The following WWOX variants were observed in gnomAD, a reference collection of about 807,000 sequenced individuals.
WWOX encodes the protein WW domain-containing oxidoreductase.
WWOX carries 69 observed loss-of-function variants against 46.2 expected under a neutral mutation model. The ratio of observed to expected loss-of-function variants is 1.49; its 90% CI spans 1.23 to 1.82. The LOEUF (loss-of-function observed/expected upper bound fraction) is 1.82, where lower values mean the gene tolerates loss of function less well. WWOX is among the 40% of genes most tolerant of loss of function. The pLI is 0.00. For synonymous variants in WWOX, 359 were observed against 202.6 expected, an observed-to-expected ratio of 1.77 and a Z score of -6.56; for missense variants, 919 against 542.6, an observed-to-expected ratio of 1.69 and a Z score of -6.89.
chr16:78,156,310 G>A (rs962228493), intron 4 of WWOX, among the ~76,000 whole-genome samples: 1 of 152,136 alleles, frequency 6.6e-6, no homozygotes, highest in Non-Finnish European at 1.5e-5. Flanking sequence ...GTTTGTTTGG[G>A]AAAATAAAAT....
intron 5 of WWOX, among the ~76,000 whole-genome samples, chr16:78,175,881 C>A (rs558145949): frequency 4.1e-4 from 62 of 152,262 alleles, no homozygotes; most frequent in African/African-American, 8.7e-4. Flanking sequence ...ACAGTGAGTT[C>A]TAAGGATAAG....
chr16:78,810,576 A>G (rs1282166784), intron 8 of WWOX, among the ~76,000 whole-genome samples: 3 of 152,204 alleles, frequency 2.0e-5, no homozygotes, highest in Middle Eastern at 3.2e-3. Context: ...CCCTGCTACC[A>G]TGATTGCCTT....
At chr16:78,649,784 C>G (rs755448228) in intron 8 of WWOX, among the ~76,000 whole-genome samples, 50 of 152,164 alleles carry the variant, frequency 3.3e-4, no homozygotes, top group Non-Finnish European at 6.6e-4. Flanking sequence ...CTTAGGAAAA[C>G]CTTACACTTA....
chr16:78,338,760 T>C (rs578190514), intron 5 of WWOX, among the ~76,000 whole-genome samples: 1 of 121,912 alleles, frequency 8.2e-6, no homozygotes, highest in South Asian at 2.5e-4. Context: ...TTCTTCTCTT[T>C]TTCTGTTTTC....
intron 5 of WWOX, among the ~76,000 whole-genome samples, chr16:78,310,007 G>A (rs756735979): frequency 8.6e-5 from 13 of 151,982 alleles, no homozygotes; most frequent in African/African-American, 1.7e-4. Context: ...AGTTACTGTC[G>A]CTCCTGTGAT....
At chr16:79,005,665 T>G (rs2047176276) in intron 8 of WWOX, among the ~76,000 whole-genome samples, 1 of 152,130 alleles carries the variant, frequency 6.6e-6, no homozygotes, top group Non-Finnish European at 1.5e-5. Context: ...ATGTCTTCAA[T>G]GTTCTTCTTA....
At chr16:78,182,635 C>A (rs2035565787) in intron 5 of WWOX, among the ~76,000 whole-genome samples, 1 of 151,942 alleles carries the variant, frequency 6.6e-6, no homozygotes, top group African/African-American at 2.4e-5. Context: ...CACTGAGCAC[C>A]AGTGATATGG....
intron 8 of WWOX, among the ~76,000 whole-genome samples, chr16:78,948,865 T>C (rs76048800): frequency 1.1e-3 from 174 of 152,244 alleles, no homozygotes; most frequent in African/African-American, 3.8e-3. Context: ...ATCAGAGTTC[T>C]CACAGGAGCC....
intron 4 of WWOX, among the ~76,000 whole-genome samples, chr16:78,127,888 C>T (rs1291894125): frequency 6.6e-6 from 1 of 152,154 alleles, no homozygotes; most frequent in East Asian, 1.9e-4. Context: ...ACAGATTGTC[C>T]TTAACTTGGG....
chr16:78,898,341 G>A (rs2044749134), intron 8 of WWOX: 1 of 152,010 alleles, frequency 6.6e-6, no homozygotes, highest in African/African-American at 2.4e-5. Context: ...AATGGTAGAG[G>A]TTTATTTTTC....
intron 8 of WWOX, among the ~76,000 whole-genome samples, chr16:79,207,774 T>C (rs2051568165): frequency 7.4e-6 from 1 of 135,332 alleles, no homozygotes; most frequent in African/African-American, 2.6e-5. Flanking sequence ...ATTACAAATA[T>C]CAATATGTGG....
intron 8 of WWOX, among the ~76,000 whole-genome samples, chr16:78,529,957 T>C (rs1469579761): frequency 6.6e-6 from 1 of 152,164 alleles, no homozygotes; most frequent in Non-Finnish European, 1.5e-5. Flanking sequence ...GCAGGAAATT[T>C]CCCTGACCCC....
At chr16:78,518,276 G>C (rs890108342) in intron 8 of WWOX, among the ~76,000 whole-genome samples, 5 of 152,054 alleles carry the variant, frequency 3.3e-5, no homozygotes, top group African/African-American at 1.2e-4. Context: ...CTGTCACCCA[G>C]GCTGAAGTGC....
At chr16:78,190,321 G>T (rs1440471258) in intron 5 of WWOX, among the ~76,000 whole-genome samples, 2 of 152,184 alleles carry the variant, frequency 1.3e-5, no homozygotes, top group African/African-American at 4.8e-5. Flanking sequence ...GTCAATCTGA[G>T]ATGAGAGAGA....
chr16:78,291,441 A>G (rs1482031204), intron 5 of WWOX, among the ~76,000 whole-genome samples: 1 of 152,198 alleles, frequency 6.6e-6, no homozygotes, highest in Non-Finnish European at 1.5e-5. Flanking sequence ...AAGGCCACTC[A>G]CGTGAACTAA....
chr16:79,103,772 C>T (rs1457356307), intron 8 of WWOX, among the ~76,000 whole-genome samples: 1 of 152,014 alleles, frequency 6.6e-6, no homozygotes, highest in Non-Finnish European at 1.5e-5. Context: ...TTTCTGAGTC[C>T]TCAAGGATGG....
chr16:78,432,767 T>C lies in WWOX; in HGVS notation c.1056+15T>C. On this transcript the variant is annotated intron_variant, in intron 8 of 8. Transcript: ENST00000566780. Reference sequence around the variant, plus strand: ...CCAAGTCCATGGTAAGAGAACAGCTTCTGGCGCCGCAAACACCTTGGGTCC... The same window carrying C: ...CCAAGTCCATGGTAAGAGAACAGCTCCTGGCGCCGCAAACACCTTGGGTCC... 3 of 1,614,086 alleles carry C rather than the reference T, an allele frequency of 1.9e-6. No individual in the cohort carries two copies. Among genetic ancestry groups the C allele is most frequent in the Non-Finnish European group, 2.5e-6 (3 of 1,180,008 alleles).
chr16:79,068,872 G>T (rs572865624), intron 8 of WWOX, among the ~76,000 whole-genome samples: 2 of 150,446 alleles, frequency 1.3e-5, no homozygotes, highest in South Asian at 2.1e-4. Flanking sequence ...TAAAGAAAGC[G>T]AGAGAGGAGG....
intron 8 of WWOX, among the ~76,000 whole-genome samples, chr16:78,986,227 G>T (rs377221127): frequency 6.6e-6 from 1 of 152,086 alleles, no homozygotes; most frequent in Non-Finnish European, 1.5e-5. Context: ...TTTCCACTGG[G>T]GATGATAGAA....
Sources: gnomAD v4.1 joint callset for allele counts (sites outside exome capture counted in the v4.1 genomes callset) on GRCh38, gnomAD v4.1.1 for gene constraint, MANE v1.5 for transcripts, NCBI Gene and HGNC (gene_info 2026-07-23, HGNC 2026-07-21) for gene names.